Variants in SESTD1 observed in about 807,000 individuals in gnomAD.
SESTD1 encodes SEC14 and spectrin domain containing 1.
In SESTD1, 43 loss-of-function variants were observed where a neutral mutation model predicts 101.7. The observed-to-expected ratio is 0.42, with a 90% confidence interval of 0.33 to 0.55. SESTD1 has a LOEUF of 0.55. SESTD1 is among the 20% of genes least tolerant of loss of function. SESTD1 has a pLI of 0.07. For synonymous variants in SESTD1, 283 were observed against 286.8 expected (o/e 0.99, Z 0.13); for missense variants, 647 against 815.1 (o/e 0.79, Z 2.51).
chr2:179,145,959 A>G (rs1345685791), intron 8 of SESTD1, among the ~76,000 whole-genome samples: 8 of 146,994 alleles, frequency 5.4e-5, no homozygotes, highest in African/African-American at 2.0e-4. Flanking sequence ...CCAAATTAAG[A>G]GAGAGATTAT....
intron 1 of SESTD1, among the ~76,000 whole-genome samples, chr2:179,200,000 C>T (rs148879095): frequency 0.045 from 6,893 of 152,092 alleles, 186 homozygotes; most frequent in Middle Eastern, 0.1. Context: ...TGTTTGCAGA[C>T]GACATGATTG....
At chr2:179,127,751 C>A (rs529255269) in intron 10 of SESTD1, among the ~76,000 whole-genome samples, 2 of 152,234 alleles carry the variant, frequency 1.3e-5, no homozygotes, top group East Asian at 3.9e-4. Flanking sequence ...ATCTGTCTTA[C>A]CTTGTTTATC....
At chr2:179,241,063 A>G (rs1488870591) in intron 1 of SESTD1, among the ~76,000 whole-genome samples, 2 of 152,194 alleles carry the variant, frequency 1.3e-5, no homozygotes, top group East Asian at 3.8e-4. Context: ...GAACCAAAAA[A>G]TACAATAATT....
At chr2:179,127,661 C>T (rs190296886) in intron 10 of SESTD1, among the ~76,000 whole-genome samples, 49 of 152,302 alleles carry the variant, frequency 3.2e-4, no homozygotes, top group Admixed American at 1.9e-3. Flanking sequence ...ACAGCCCTTA[C>T]GACAGACATT....
chr2:179,190,807 C>G (rs1286638593), intron 2 of SESTD1, among the ~76,000 whole-genome samples: 1 of 152,090 alleles, frequency 6.6e-6, no homozygotes, highest in African/African-American at 2.4e-5. Flanking sequence ...GGAATGCAAT[C>G]AAATTGACAA....
intron 5 of SESTD1, among the ~76,000 whole-genome samples, chr2:179,154,518 T>C (rs971309368): frequency 2.0e-5 from 3 of 152,146 alleles, no homozygotes; most frequent in Non-Finnish European, 4.4e-5. Context: ...TAATGGCTGC[T>C]AACGTCACAA....
At chr2:179,196,625 T>C (rs886816989) in intron 1 of SESTD1, among the ~76,000 whole-genome samples, 3 of 152,188 alleles carry the variant, frequency 2.0e-5, no homozygotes, top group African/African-American at 7.2e-5. Flanking sequence ...ATGGGCAGAC[T>C]GCCTCCTCAA....
At chr2:179,223,146 G>C (rs527963371) in intron 1 of SESTD1, among the ~76,000 whole-genome samples, 49 of 151,966 alleles carry the variant, frequency 3.2e-4, no homozygotes, top group Non-Finnish European at 5.0e-4. Flanking sequence ...ATATAACGAG[G>C]ATAAACTTAG....
intron 1 of SESTD1, among the ~76,000 whole-genome samples, chr2:179,196,856 G>GA (rs1353635921): frequency 6.6e-6 from 1 of 152,128 alleles, no homozygotes; most frequent in African/African-American, 2.4e-5. Context: ...CAAAGATGGG[G>GA]AAAAAACAGA....
chr2:179,116,228 T>G (rs1201478656), intron 15 of SESTD1, among the ~76,000 whole-genome samples: 1 of 151,650 alleles, frequency 6.6e-6, no homozygotes, highest in Non-Finnish European at 1.5e-5. Flanking sequence ...GAGCTGAGAT[T>G]GCATCATTGC....
At chr2:179,234,124 C>A (rs1199095156) in intron 1 of SESTD1, among the ~76,000 whole-genome samples, 1 of 152,160 alleles carries the variant, frequency 6.6e-6, no homozygotes, top group African/African-American at 2.4e-5. Flanking sequence ...GACTGACTCT[C>A]AGTAAGAGGC....
At chr2:179,134,747 T>C (rs2105431176) in intron 9 of SESTD1, among the ~76,000 whole-genome samples, 1 of 152,290 alleles carries the variant, frequency 6.6e-6, no homozygotes, top group East Asian at 1.9e-4. Flanking sequence ...CTAAAGCTCT[T>C]GTTTCTATCT....
In SESTD1 at chr2:179,199,931, T is replaced by C. The variant is rs1319865130; in HGVS notation, c.-25-8065A>G. ...TGTTGGAAGTTCTGGCCAGGGCAATTAGGCAGGAGAAGGAAATAAAGGGTA... is the reference window on the plus strand; with the variant it reads ...TGTTGGAAGTTCTGGCCAGGGCAATCAGGCAGGAGAAGGAAATAAAGGGTA... On this transcript the variant is annotated intron_variant, in intron 1 of 17. Coordinates refer to ENST00000428443, the MANE Select transcript of SESTD1 (RefSeq NM_178123.5). Among the ~76,000 whole-genome samples, 4 of 151,978 alleles carry C rather than the reference T, an allele frequency of 2.6e-5. No homozygotes were observed. In the East Asian group the frequency reaches 5.8e-4, roughly 22 times the overall value.
intron 1 of SESTD1, among the ~76,000 whole-genome samples, chr2:179,196,261 C>A (rs369044916): frequency 3.9e-5 from 6 of 152,250 alleles, no homozygotes; most frequent in Non-Finnish European, 7.3e-5. Flanking sequence ...GCTTAAAAAA[C>A]GGCGCACCAG....
intron 17 of SESTD1, among the ~76,000 whole-genome samples, chr2:179,112,049 T>C (rs970922711): frequency 4.6e-5 from 7 of 152,204 alleles, no homozygotes; most frequent in African/African-American, 1.7e-4. Flanking sequence ...TCCTGATCCA[T>C]TTATTTTGCA....
At chr2:179,260,945 C>T (rs895716683) in intron 1 of SESTD1, among the ~76,000 whole-genome samples, 6 of 152,048 alleles carry the variant, frequency 3.9e-5, no homozygotes, top group Non-Finnish European at 7.4e-5. Flanking sequence ...CTGTCAACAG[C>T]AGTTTCTCCA....
chr2:179,145,194 AT>A (rs1259084393), intron 8 of SESTD1, among the ~76,000 whole-genome samples: 3 of 152,124 alleles, frequency 2.0e-5, no homozygotes, highest in South Asian at 2.1e-4. Context: ...GAATACATTT[AT>A]TTTTTTCTAC....
chr2:179,151,419 A>C, intron 5 of SESTD1, 28 bp from the exon 6 acceptor site: 1 of 1,522,332 alleles, frequency 6.6e-7, no homozygotes. Flanking sequence ...GAAAAGAAAC[A>C]TTTAGTAACC....
At chr2:179,111,436 G>A (rs904833924) in intron 17 of SESTD1, among the ~76,000 whole-genome samples, 1 of 152,114 alleles carries the variant, frequency 6.6e-6, no homozygotes, top group Non-Finnish European at 1.5e-5. Context: ...CCCATAACCT[G>A]AGGAAGGTAT....
Sources: allele counts gnomAD v4.1 joint callset (sites outside exome capture counted in the v4.1 genomes callset), GRCh38; gene constraint gnomAD v4.1.1; transcripts MANE v1.5; gene names NCBI Gene and HGNC (gene_info 2026-07-23, HGNC 2026-07-21).